The following ITIH2 variants were observed in gnomAD, a reference collection of about 807,000 sequenced individuals.
ITIH2 encodes inter-alpha-trypsin inhibitor heavy chain H2.
ITIH2 carries 103 observed loss-of-function variants against 104.4 expected under a neutral mutation model. The ratio of observed to expected loss-of-function variants is 0.99; its 90% CI spans 0.84 to 1.16. The LOEUF is 1.16. Ranked by LOEUF, ITIH2 falls within the 50% of genes most tolerant of loss-of-function variation. The probability of loss-of-function intolerance (pLI) is 0.00; values close to 1 mark genes in which losing one functional copy is unlikely to be tolerated. For synonymous variants in ITIH2, 436 were observed against 435.4 expected (o/e 1.00, Z -0.02); for missense variants, 1,108 against 1,162.4 (o/e 0.95, Z 0.68).
Position 7,735,202 on chromosome 10 carries a change from G to C in ITIH2, c.1957+111G>C, listed in dbSNP as rs1835043211. On this transcript the variant is annotated intron_variant, in intron 15 of 20. Coordinates refer to ENST00000358415, the MANE Select transcript of ITIH2 (RefSeq NM_002216.3). ...CACCCCAGCCCACCTCTTGCTCCCA[G>C]CCCTGGGCCCTCCTGTGCCCAAGCT... 11 of 955,408 alleles carry C rather than the reference G, an allele frequency of 1.2e-5. No homozygotes were observed. In the South Asian group the frequency reaches 1.3e-4, roughly 11 times the overall value. 59.2% of individuals were successfully genotyped at this position (955,408 alleles called of 1,614,324 possible).
chr10:7,727,624 T>TATG, intron 10 of ITIH2, 79 bp from the exon 11 acceptor site: 1 of 1,512,522 alleles, frequency 6.6e-7, no homozygotes, highest in Non-Finnish European at 9.1e-7. Flanking sequence ...TCAGCCGACA[T>TATG]ATGAGTCTGA....
intron 16 of ITIH2, among the ~76,000 whole-genome samples, chr10:7,741,746 G>GA (rs33997855): frequency 0.76 from 115,347 of 151,996 alleles, 45,930 homozygotes; most frequent in Non-Finnish European, 0.87. Context: ...GCCCATTCTT[G>GA]GTGTTTCAGG....
chr10:7,740,280 A>G (rs11255328), intron 16 of ITIH2, among the ~76,000 whole-genome samples: 4,880 of 152,316 alleles, frequency 0.032, 232 homozygotes, highest in African/African-American at 0.1. Flanking sequence ...TGGGGCCACA[A>G]GTAACTTGCT....
intron 16 of ITIH2, among the ~76,000 whole-genome samples, chr10:7,741,636 T>G (rs1835125699): frequency 6.6e-6 from 1 of 152,214 alleles, no homozygotes; most frequent in Admixed American, 6.5e-5. Context: ...GTAACTCCTC[T>G]GCAAACTTTT....
At chr10:7,709,491 C>T (rs1350585876) in intron 4 of ITIH2, among the ~76,000 whole-genome samples, 1 of 151,984 alleles carries the variant, frequency 6.6e-6, no homozygotes, top group Non-Finnish European at 1.5e-5. Context: ...CTGGGTTGCC[C>T]TGGCTTATAG....
intron 16 of ITIH2, among the ~76,000 whole-genome samples, chr10:7,742,344 G>A (rs1297302390): frequency 2.0e-5 from 3 of 152,086 alleles, no homozygotes; most frequent in Non-Finnish European, 4.4e-5. Context: ...CTTGGGAGTA[G>A]CTTGATTCTT....
intron 2 of ITIH2, among the ~76,000 whole-genome samples, chr10:7,706,789 T>C (rs1462102625): frequency 6.6e-6 from 1 of 152,080 alleles, no homozygotes; most frequent in Non-Finnish European, 1.5e-5. Context: ...TTGAGGAACC[T>C]AGCAGGGGCA....
chr10:7,740,886 C>T (rs935282053), intron 16 of ITIH2, among the ~76,000 whole-genome samples: 9 of 152,196 alleles, frequency 5.9e-5, no homozygotes, highest in Non-Finnish European at 1.3e-4. Flanking sequence ...GAATCTATAA[C>T]ATTAGTCACG....
chr10:7,711,666 A>C (rs546521335), intron 4 of ITIH2, among the ~76,000 whole-genome samples: 1 of 152,246 alleles, frequency 6.6e-6, no homozygotes, highest in South Asian at 2.1e-4. Flanking sequence ...CTCTCATCTA[A>C]AGGGGCAAAC....
chr10:7,714,802 G>A (rs748037090), intron 5 of ITIH2, among the ~76,000 whole-genome samples: 2 of 152,120 alleles, frequency 1.3e-5, no homozygotes, highest in Non-Finnish European at 2.9e-5. Context: ...GGGGGTCCAG[G>A]AAATCCCCAC....
chr10:7,745,378 A>T (rs1835166707), intron 19 of ITIH2, among the ~76,000 whole-genome samples: 1 of 152,094 alleles, frequency 6.6e-6, no homozygotes, highest in South Asian at 2.1e-4. Context: ...GATCTGAGCT[A>T]TACTCTCAGG....
chr10:7,733,983 A>G (rs1013832653), intron 14 of ITIH2, among the ~76,000 whole-genome samples: 3 of 151,902 alleles, frequency 2.0e-5, no homozygotes, highest in African/African-American at 7.3e-5. Context: ...GTATATAGCA[A>G]ATTGTTGCAG....
intron 19 of ITIH2, 60 bp from the exon 20 acceptor site, chr10:7,746,533 G>T: frequency 1.8e-6 from 2 of 1,142,776 alleles, no homozygotes; most frequent in South Asian, 1.3e-5. Context: ...AGTCAATAAT[G>T]AGCCTCTTTT....
intron 20 of ITIH2, among the ~76,000 whole-genome samples, chr10:7,748,518 A>ATTT (rs1564309292): frequency 3.1e-4 from 9 of 28,990 alleles, no homozygotes; most frequent in South Asian, 1.3e-3. Flanking sequence ...CCGCCAATGC[A>ATTT]TTCTTTTTTT....
chr10:7,740,428 G>C (rs775765666), intron 16 of ITIH2, among the ~76,000 whole-genome samples: 2 of 152,190 alleles, frequency 1.3e-5, no homozygotes, highest in Non-Finnish European at 2.9e-5. Flanking sequence ...TGGGGAATCC[G>C]TGCGTAAGTT....
At position 7,735,036 on chromosome 10, in the gene ITIH2, TG is replaced by T; in HGVS notation, c.1906del (p.Asp636MetfsTer42). ...LTSLVIENEA[G>X]DERMLADAPP... is the part of the protein sequence containing the mutation. The stretch of plus-strand genomic sequence containing the variant: ...CCTCGCTGGTGATCGAGAACGAGGC[TG>T]GGGATGAGCGCATGCTGGCGGATGC... On this transcript the variant is annotated frameshift_variant, in exon 15 of 21. Coordinates refer to ENST00000358415, the MANE Select transcript of ITIH2 (RefSeq NM_002216.3). LOFTEE classifies it high-confidence loss of function. 6.2e-7 allele frequency: 1 copy of T among 1,613,368 alleles called. No homozygotes were observed. The highest frequency in any genetic ancestry group is 8.5e-7 in the Non-Finnish European group (1 of 1,180,032).
chr10:7,741,845 C>A (rs997146070), intron 16 of ITIH2, among the ~76,000 whole-genome samples: 1 of 152,148 alleles, frequency 6.6e-6, no homozygotes, highest in Non-Finnish European at 1.5e-5. Flanking sequence ...CTAAAGAAAT[C>A]ATAAACTCTT....
intron 16 of ITIH2, among the ~76,000 whole-genome samples, chr10:7,740,223 TA>T (rs1363009125): frequency 6.6e-6 from 1 of 152,136 alleles, no homozygotes; most frequent in African/African-American, 2.4e-5. Flanking sequence ...GGTGATAAAA[TA>T]GTAACTTCAT....
At chr10:7,734,275 G>A (rs962549241) in intron 14 of ITIH2, among the ~76,000 whole-genome samples, 4 of 152,222 alleles carry the variant, frequency 2.6e-5, no homozygotes, top group Admixed American at 1.3e-4. Context: ...TGGGATGGAT[G>A]TTGATAGTGG....
Sources: allele counts gnomAD v4.1 joint callset (sites outside exome capture counted in the v4.1 genomes callset), GRCh38; gene constraint gnomAD v4.1.1; transcripts MANE v1.5; gene names NCBI Gene and HGNC (gene_info 2026-07-23, HGNC 2026-07-21).